OXR1: variants seen among roughly 807,000 people sequenced by gnomAD.
OXR1 encodes oxidation resistance 1.
OXR1 carries 41 observed loss-of-function variants against 104.6 expected under a neutral mutation model. That is an observed-to-expected ratio of 0.39 (90% CI 0.31 to 0.51). The LOEUF is 0.51. Ranked by LOEUF, OXR1 falls within the 20% of genes least tolerant of loss-of-function variation. The pLI, the probability that OXR1 is intolerant of heterozygous loss-of-function variation, is 0.77. For missense variants in OXR1, 955 were observed against 1,031.9 expected, an observed-to-expected ratio of 0.93 and a Z score of 1.02; for synonymous variants, 348 against 348.4, an observed-to-expected ratio of 1.00 and a Z score of 0.01.
chr8:106,508,843 T>G (rs551608583), intron 2 of OXR1, among the ~76,000 whole-genome samples: 1 of 152,334 alleles, frequency 6.6e-6, no homozygotes, highest in Admixed American at 6.5e-5. Context: ...CATTGTCATT[T>G]TAACTATAAA....
chr8:106,484,617 G>A (rs532794704), intron 2 of OXR1, among the ~76,000 whole-genome samples: 3 of 151,928 alleles, frequency 2.0e-5, no homozygotes, highest in Non-Finnish European at 4.4e-5. Flanking sequence ...ATAATACTGA[G>A]ATACCACTAC....
chr8:106,335,579 A>G (rs964272631), intron 1 of OXR1, among the ~76,000 whole-genome samples: 4 of 151,848 alleles, frequency 2.6e-5, no homozygotes, highest in African/African-American at 7.3e-5. Context: ...AGCCCATTCT[A>G]TCTGCTTGGT....
At chr8:106,443,390 T>C (rs913940330) in intron 2 of OXR1, among the ~76,000 whole-genome samples, 2 of 152,092 alleles carry the variant, frequency 1.3e-5, no homozygotes, top group Non-Finnish European at 2.9e-5. Flanking sequence ...CTCTGTTGAT[T>C]TGGGGTAGAG....
chr8:106,668,754 C>T (rs1309810842), intron 3 of OXR1, among the ~76,000 whole-genome samples: 1 of 152,152 alleles, frequency 6.6e-6, no homozygotes. Context: ...ATTAGTTTGA[C>T]AGATTTGAAA....
At chr8:106,660,579 G>A (rs1475721812) in intron 3 of OXR1, among the ~76,000 whole-genome samples, 1 of 152,166 alleles carries the variant, frequency 6.6e-6, no homozygotes, top group Non-Finnish European at 1.5e-5. Flanking sequence ...TGAAAAAGTA[G>A]AACCTTGTTT....
intron 3 of OXR1, among the ~76,000 whole-genome samples, chr8:106,632,733 A>G (rs112458196): frequency 1.3e-5 from 2 of 152,180 alleles, no homozygotes; most frequent in African/African-American, 4.8e-5. Flanking sequence ...AAAATATTGC[A>G]TATTCCAGCA....
intron 3 of OXR1, among the ~76,000 whole-genome samples, chr8:106,520,839 A>G (rs1813202519): frequency 6.6e-6 from 1 of 152,202 alleles, no homozygotes; most frequent in Non-Finnish European, 1.5e-5. Context: ...AGCTTATCCT[A>G]CAAACTCAAT....
intron 3 of OXR1, among the ~76,000 whole-genome samples, chr8:106,661,134 C>T (rs1480995572): frequency 2.0e-5 from 3 of 152,172 alleles, no homozygotes; most frequent in East Asian, 1.9e-4. Flanking sequence ...GCCAAGATCA[C>T]ACCACTGCAC....
intron 2 of OXR1, among the ~76,000 whole-genome samples, chr8:106,448,630 G>A (rs546631498): frequency 6.6e-6 from 1 of 151,796 alleles, no homozygotes; most frequent in Non-Finnish European, 1.5e-5. Flanking sequence ...ACTAATAATA[G>A]CATAGGTCTA....
At chr8:106,734,555 G>A (rs1834204120) in intron 11 of OXR1, among the ~76,000 whole-genome samples, 1 of 152,142 alleles carries the variant, frequency 6.6e-6, no homozygotes, top group Admixed American at 6.6e-5. Context: ...TTGTTTTGGA[G>A]TAATCTTGGG....
rs1482277321 is a variant in OXR1 at position 106,706,743 on chromosome 8, T to G, written c.1222T>G (p.Leu408Val). Residue 408 changes from leucine (L) to valine (V), a missense_variant, in exon 9 of 17, where the codon TTA becomes GTA. Physicochemically the swap from Leu to Val is conservative, Grantham distance 32. This residue lies in a region of OXR1 where 849 missense variants were observed against 852.9 expected (regional missense o/e 1.00). Coordinates refer to ENST00000517566, the MANE Select transcript of OXR1 (RefSeq NM_001198533.2). ...ACATTCTACAAATGAAGTTGGGACT[T>G]TATGTCATAAAACTGATTTAAATAA... is the stretch of plus-strand genomic sequence containing the variant. ...TEHSTNEVGT[L>V]CHKTDLNNLE... 6.2e-7 allele frequency: 1 copy of G among 1,612,028 alleles called. No homozygotes were observed. The highest frequency in any genetic ancestry group is 8.5e-7 in the Non-Finnish European group (1 of 1,179,596).
chr8:106,275,665 T>C (rs540718781), intron 1 of OXR1, among the ~76,000 whole-genome samples: 14 of 152,306 alleles, frequency 9.2e-5, no homozygotes, highest in African/African-American at 3.4e-4. Flanking sequence ...CAGCTCCATT[T>C]ACCTAAAAAC....
chr8:106,425,083 G>GTTTTTTTTTTTTTT, intron 2 of OXR1, among the ~76,000 whole-genome samples: 1 of 83,660 alleles, frequency 1.2e-5, no homozygotes, highest in Non-Finnish European at 2.2e-5. Context: ...GTTTGGTTTG[G>GTTTTTTTTTTTTTT]TTTTTTTTTT....
intron 2 of OXR1, among the ~76,000 whole-genome samples, chr8:106,438,295 C>T (rs1467845275): frequency 2.6e-5 from 4 of 152,042 alleles, no homozygotes; most frequent in African/African-American, 9.7e-5. Flanking sequence ...ATGGTTATAT[C>T]TACCTATGTT....
chr8:106,704,539 A>AGAC, intron 8 of OXR1, among the ~76,000 whole-genome samples: 1 of 151,362 alleles, frequency 6.6e-6, no homozygotes, highest in Non-Finnish European at 1.5e-5. Flanking sequence ...CTGAGAATAC[A>AGAC]GACACCTGCC....
intron 1 of OXR1, among the ~76,000 whole-genome samples, chr8:106,270,628 C>CGCGGCGAGGGAGGAGACCGG (rs1306560931): frequency 0.04 from 5,993 of 151,200 alleles, 324 homozygotes; most frequent in African/African-American, 0.11. Context: ...GGAAAGACCG[C>CGCGGCGAGGGAGGAGACCGG]GCGGCGAGGG....
Position 106,752,414 on chromosome 8 carries a change from A to G in OXR1, c.*1473A>G, listed in dbSNP as rs949063005. Reference sequence around the variant, plus strand: ...AAGCATAATGCTAATGGAAAAGAAAATCTGATGTTCTATTATAATATGCTA... The same window carrying G: ...AAGCATAATGCTAATGGAAAAGAAAGTCTGATGTTCTATTATAATATGCTA... On this transcript the variant is annotated 3_prime_UTR_variant, in exon 17 of 17. Coordinates refer to ENST00000517566, the MANE Select transcript of OXR1 (RefSeq NM_001198533.2). The G allele has an allele frequency of 7.9e-5, 12 of 152,656 alleles. 1 individual carries two copies. In the East Asian group the frequency reaches 2.1e-3, roughly 27 times the overall value. The allele number at this position is 152,656 out of a possible 1,614,324, so 9.5% of individuals were successfully genotyped here. A position where few individuals can be genotyped will look rare whatever the true frequency, so the allele number is the denominator to read the frequency against.
At chr8:106,404,918 G>T (rs763822315) in intron 2 of OXR1, among the ~76,000 whole-genome samples, 1 of 151,860 alleles carries the variant, frequency 6.6e-6, no homozygotes, top group East Asian at 1.9e-4. Flanking sequence ...CGTTAACCTG[G>T]ATGGTCTCGA....
intron 2 of OXR1, among the ~76,000 whole-genome samples, chr8:106,500,285 G>T (rs1202884593): frequency 6.6e-6 from 1 of 152,182 alleles, no homozygotes; most frequent in Non-Finnish European, 1.5e-5. Flanking sequence ...GCAGTCCGGC[G>T]CCAGGCCCGA....
Sources: gnomAD v4.1 joint callset for allele counts (sites outside exome capture counted in the v4.1 genomes callset) on GRCh38, gnomAD v4.1.1 for gene constraint, gnomAD v4.1.1 regional missense constraint, MANE v1.5 for transcripts, NCBI Gene and HGNC (gene_info 2026-07-23, HGNC 2026-07-21) for gene names.